Variants in WWC1 observed in about 807,000 individuals in gnomAD.
WWC1 encodes protein KIBRA.
WWC1 carries 55 observed loss-of-function variants against 138.4 expected under a neutral mutation model. That is an observed-to-expected ratio of 0.40 (90% CI 0.32 to 0.50). WWC1 has a LOEUF of 0.50. Ranked by LOEUF, WWC1 falls within the 20% of genes least tolerant of loss-of-function variation. The probability of loss-of-function intolerance (pLI) is 0.72; values close to 1 mark genes in which losing one functional copy is unlikely to be tolerated. For synonymous variants in WWC1, 524 were observed against 564.9 expected (o/e 0.93, Z 1.03); for missense variants, 1,226 against 1,420.4 (o/e 0.86, Z 2.20).
At chr5:168,295,568 A>G (rs1195041660) in intron 1 of WWC1, among the ~76,000 whole-genome samples, 1 of 151,270 alleles carries the variant, frequency 6.6e-6, no homozygotes, top group African/African-American at 2.4e-5. Context: ...ATGCCCACCC[A>G]TTCCCCTGAA....
At chr5:168,296,784 G>T (rs1236077784) in intron 1 of WWC1, among the ~76,000 whole-genome samples, 1 of 152,196 alleles carries the variant, frequency 6.6e-6, no homozygotes, top group East Asian at 1.9e-4. Context: ...GCTGTGATGT[G>T]AATACTAGGC....
chr5:168,346,349 A>C (rs753195724), intron 1 of WWC1, among the ~76,000 whole-genome samples: 3 of 152,186 alleles, frequency 2.0e-5, no homozygotes, highest in African/African-American at 7.2e-5. Flanking sequence ...GGAACCATAC[A>C]GGGAAACAAT....
At chr5:168,441,490 CCAAT>C (rs1369731432) in intron 15 of WWC1, among the ~76,000 whole-genome samples, 188 bp from the exon 16 acceptor site, 1 of 152,070 alleles carries the variant, frequency 6.6e-6, no homozygotes, top group Admixed American at 6.5e-5. Context: ...AATGATTAAA[CCAAT>C]CAATCAATGA....
At chr5:168,327,897 T>C (rs1364012063) in intron 1 of WWC1, among the ~76,000 whole-genome samples, 1 of 152,208 alleles carries the variant, frequency 6.6e-6, no homozygotes, top group Admixed American at 6.5e-5. Flanking sequence ...ATTTGTTGCA[T>C]TCATGCTGAT....
chr5:168,423,933 G>A lies in WWC1; in HGVS notation c.1675G>A (p.Asp559Asn). 6.2e-7 allele frequency: 1 copy of A among 1,614,098 alleles called. No individual in the cohort carries two copies. The change falls in exon 11 of 23, where the codon GAT (aspartate) becomes AAT (asparagine). Residue 559 changes from aspartate (D) to asparagine (N), a missense_variant. Transcript: ENST00000265293. The part of the protein sequence containing the change: ...PLMADPLLAG[D>N]AFLNSLEFED... ...CATGGCTGACCCCCTCCTGGCTGGT[G>A]ATGCCTTCCTCAACTCCTTGGAGTT...
chr5:168,296,114 C>G (rs190986906), intron 1 of WWC1, among the ~76,000 whole-genome samples: 32 of 152,262 alleles, frequency 2.1e-4, no homozygotes, highest in African/African-American at 7.2e-4. Context: ...TATTTCACTT[C>G]GTGGTATGCA....
intron 1 of WWC1, among the ~76,000 whole-genome samples, chr5:168,361,643 G>C (rs1775888097): frequency 6.6e-6 from 1 of 152,170 alleles, no homozygotes; most frequent in Admixed American, 6.5e-5. Flanking sequence ...TTGGTCCCCA[G>C]GTCCCCTGGG....
chr5:168,343,596 G>A (rs1347541261), intron 1 of WWC1, among the ~76,000 whole-genome samples: 1 of 152,060 alleles, frequency 6.6e-6, no homozygotes, highest in Non-Finnish European at 1.5e-5. Context: ...GGCCGAGGTG[G>A]GCGGATCACA....
At chr5:168,362,586 G>A (rs1186743495) in intron 1 of WWC1, among the ~76,000 whole-genome samples, 1 of 152,202 alleles carries the variant, frequency 6.6e-6, no homozygotes, top group African/African-American at 2.4e-5. Context: ...CATATCTTCA[G>A]GCTGAATTTG....
At chr5:168,378,164 T>C (rs1777364666) in intron 2 of WWC1, among the ~76,000 whole-genome samples, 1 of 152,138 alleles carries the variant, frequency 6.6e-6, no homozygotes, top group African/African-American at 2.4e-5. Context: ...CTAAGCAAAT[T>C]AATACAAGGA....
chr5:168,408,468 G>A, intron 6 of WWC1, 39 bp from the exon 7 acceptor site: 1 of 1,606,358 alleles, frequency 6.2e-7, no homozygotes, highest in Non-Finnish European at 8.5e-7. Flanking sequence ...GCTCCCTCCT[G>A]GGAAGGCGCA....
chr5:168,384,586 A>G (rs1275342921), intron 2 of WWC1, among the ~76,000 whole-genome samples: 2 of 152,230 alleles, frequency 1.3e-5, no homozygotes, highest in South Asian at 2.1e-4. Context: ...GTCTTCACCA[A>G]AGGAGATTAC....
chr5:168,386,430 T>C (rs760636695), intron 3 of WWC1, among the ~76,000 whole-genome samples: 4 of 151,946 alleles, frequency 2.6e-5, no homozygotes, highest in Non-Finnish European at 4.4e-5. Context: ...TCTCGCTCTG[T>C]TGCCCAGGCT....
intron 1 of WWC1, among the ~76,000 whole-genome samples, chr5:168,310,154 A>G (rs1435510697): frequency 6.6e-6 from 1 of 152,184 alleles, no homozygotes; most frequent in Non-Finnish European, 1.5e-5. Context: ...AATGAGAATG[A>G]TAGTGTTTAC....
chr5:168,447,609 A>C (rs77010794), intron 17 of WWC1, among the ~76,000 whole-genome samples: 2,998 of 152,298 alleles, frequency 0.02, 99 homozygotes, highest in African/African-American at 0.068. Context: ...ACAAAGCAGC[A>C]GACAGGATTG....
At chr5:168,394,426 T>C (rs1778733214) in intron 3 of WWC1, among the ~76,000 whole-genome samples, 1 of 152,180 alleles carries the variant, frequency 6.6e-6, no homozygotes, top group South Asian at 2.1e-4. Context: ...TCCTGTTGGA[T>C]ATAAAGTTCT....
At position 168,428,785 on chromosome 5, in the gene WWC1, GAAGT is replaced by G; in HGVS notation, c.2000+3_2000+6del. The G allele has an allele frequency of 6.2e-7, 1 of 1,613,780 alleles. No individual in the cohort carries two copies. Among genetic ancestry groups the G allele is most frequent in the Non-Finnish European group, 8.5e-7 (1 of 1,179,834 alleles). On this transcript the variant is annotated splice_donor_variant and coding_sequence_variant, in exon 13 of 23. Coordinates refer to ENST00000265293, the MANE Select transcript of WWC1 (RefSeq NM_015238.3). LOFTEE classifies it high-confidence loss of function. ...GTGCGACCCGAATTCAGATTGCCCT[GAAGT>G]AAGTGACGAGGACGAGGAGGACAGA...
At chr5:168,382,596 A>T (rs1484440713) in intron 2 of WWC1, among the ~76,000 whole-genome samples, 2 of 152,184 alleles carry the variant, frequency 1.3e-5, no homozygotes, top group Non-Finnish European at 2.9e-5. Context: ...GGGACCCACG[A>T]TTCCTGAACG....
chr5:168,382,254 G>T (rs2161299), intron 2 of WWC1, among the ~76,000 whole-genome samples: 2 of 151,946 alleles, frequency 1.3e-5, no homozygotes, highest in Admixed American at 6.6e-5. Context: ...TAAATGGCAT[G>T]GTCCATGTTG....
Sources: allele counts gnomAD v4.1 joint callset (sites outside exome capture counted in the v4.1 genomes callset), GRCh38; gene constraint gnomAD v4.1.1; transcripts MANE v1.5; gene names NCBI Gene and HGNC (gene_info 2026-07-23, HGNC 2026-07-21).